The following GNB5 variants were observed in gnomAD, a reference collection of about 807,000 sequenced individuals.
The protein encoded by GNB5 is guanine nucleotide-binding protein subunit beta-5.
In GNB5, 37 loss-of-function variants were observed where a neutral mutation model predicts 55.3. The ratio of observed to expected loss-of-function variants is 0.67; its 90% CI spans 0.51 to 0.88. The LOEUF (loss-of-function observed/expected upper bound fraction) is 0.88. Ranked by LOEUF, GNB5 falls within the 40% of genes least tolerant of loss-of-function variation. GNB5 has a pLI of 0.00. For synonymous variants in GNB5, 219 were observed against 198.5 expected, an observed-to-expected ratio of 1.10 and a Z score of -0.87; for missense variants, 476 against 515.3, an observed-to-expected ratio of 0.92 and a Z score of 0.74.
chr15:52,154,380 G>A (rs2034164930), intron 3 of GNB5, among the ~76,000 whole-genome samples: 1 of 152,172 alleles, frequency 6.6e-6, no homozygotes, highest in Non-Finnish European at 1.5e-5. Context: ...TATTCATAAA[G>A]CACTACATAA....
intron 3 of GNB5, among the ~76,000 whole-genome samples, chr15:52,163,225 C>G (rs1006222714): frequency 9.9e-5 from 15 of 152,188 alleles, no homozygotes; most frequent in Non-Finnish European, 1.5e-4. Context: ...GGCCTTGGGT[C>G]TAAAGCACAG....
chr15:52,143,751 A>G (rs184181286), intron 6 of GNB5: 3 of 152,340 alleles, frequency 2.0e-5, no homozygotes, highest in Non-Finnish European at 2.9e-5. Flanking sequence ...AGTCACAGGG[A>G]TGTCACACAG....
At chr15:52,157,835 C>T (rs2034248133) in intron 3 of GNB5, among the ~76,000 whole-genome samples, 1 of 151,738 alleles carries the variant, frequency 6.6e-6, no homozygotes, top group East Asian at 1.9e-4. Context: ...CATCCTGTTT[C>T]TATCTGCCAA....
intron 8 of GNB5, 68 bp downstream of exon 8, chr15:52,135,545 C>G: frequency 7.2e-7 from 1 of 1,388,140 alleles, no homozygotes; most frequent in Non-Finnish European, 1.0e-6. Context: ...CATGAATGGA[C>G]AAGAACTGCC....
In GNB5 at chr15:52,135,614, C is replaced by A. The variant is rs1227626914; in HGVS notation, c.770G>T (p.Gly257Val). Residue 257 changes from glycine (G) to valine (V), a missense_variant and splice_region_variant, in exon 8 of 13, where the codon GGG becomes GTG. Gly to Val is a moderately radical substitution (Grantham distance 109). Coordinates refer to ENST00000261837, the MANE Select transcript of GNB5 (RefSeq NM_016194.4). ...PSETGNTFVS[G>V]GCDKKAMVWD... ...AGGGAATTTCCACTGGGTCTTTACC[C>A]CAGACACGAAGGTGTTTCCAGTTTC... is the stretch of plus-strand genomic sequence containing the variant. 1.2e-6 allele frequency: 2 copies of A among 1,613,460 alleles called. No homozygotes were observed. Among genetic ancestry groups the A allele is most frequent in the Non-Finnish European group, 1.7e-6 (2 of 1,179,718 alleles).
intron 10 of GNB5, among the ~76,000 whole-genome samples, chr15:52,127,926 T>C (rs938118184): frequency 6.6e-6 from 1 of 152,072 alleles, no homozygotes; most frequent in South Asian, 2.1e-4. Flanking sequence ...GAGAGAAATA[T>C]TTACCAGCCT....
intron 2 of GNB5, among the ~76,000 whole-genome samples, chr15:52,182,171 G>A (rs1481227578): frequency 1.3e-5 from 2 of 152,162 alleles, no homozygotes; most frequent in African/African-American, 4.8e-5. Context: ...AGAGCAGTGC[G>A]TGGCACACAG....
intron 7 of GNB5, chr15:52,137,905 A>T (rs552624585): frequency 3.9e-6 from 5 of 1,286,884 alleles, no homozygotes; most frequent in African/African-American, 3.0e-5. Context: ...TTGCAGCATA[A>T]GTGTCCACAA....
chr15:52,123,171 C>CT (rs1166002355), intron 12 of GNB5, among the ~76,000 whole-genome samples: 2 of 152,158 alleles, frequency 1.3e-5, no homozygotes, highest in Non-Finnish European at 2.9e-5. Context: ...TCACAGATAA[C>CT]TTTTTTATTT....
At chr15:52,180,245 T>A (rs1367886600) in intron 2 of GNB5, 2 of 160,164 alleles carry the variant, frequency 1.2e-5, no homozygotes, top group Non-Finnish European at 2.7e-5. Context: ...TCCCCGCTTC[T>A]GGGGAGACCG....
At chr15:52,182,218 G>A (rs1054387007) in intron 2 of GNB5, among the ~76,000 whole-genome samples, 4 of 152,194 alleles carry the variant, frequency 2.6e-5, no homozygotes, top group African/African-American at 4.8e-5. Flanking sequence ...TGCCTGATAC[G>A]CTTGAGCAGT....
At chr15:52,164,389 C>T (rs7164915) in intron 3 of GNB5, among the ~76,000 whole-genome samples, 3,147 of 147,232 alleles carry the variant, frequency 0.021, 112 homozygotes, top group African/African-American at 0.075. Flanking sequence ...GAGGCCGAGG[C>T]GGGCGGATCA....
At chr15:52,132,010 C>T (rs182215466) in intron 9 of GNB5, among the ~76,000 whole-genome samples, 83 of 152,260 alleles carry the variant, frequency 5.5e-4, no homozygotes, top group African/African-American at 2.0e-3. Flanking sequence ...TCCCGCTATC[C>T]CTCCAGTCTT....
chr15:52,135,388 G>A (rs1300149227), intron 8 of GNB5, among the ~76,000 whole-genome samples: 1 of 152,294 alleles, frequency 6.6e-6, no homozygotes, highest in Non-Finnish European at 1.5e-5. Flanking sequence ...AGAACAGAAG[G>A]AGGCCCTCAC....
intron 3 of GNB5, among the ~76,000 whole-genome samples, chr15:52,173,374 A>T (rs1367954420): frequency 6.6e-6 from 1 of 152,074 alleles, no homozygotes; most frequent in Non-Finnish European, 1.5e-5. Flanking sequence ...CGTGCCCAGC[A>T]CATTTACTGC....
chr15:52,147,622 T>G, intron 5 of GNB5, 87 bp from the exon 6 acceptor site: 2 of 649,458 alleles, frequency 3.1e-6, no homozygotes, highest in Non-Finnish European at 5.2e-6. Flanking sequence ...AGTCTCACTC[T>G]GTTGCCCAGG....
At chr15:52,125,113 T>G (rs955789101) in intron 11 of GNB5, 1 of 154,726 alleles carries the variant, frequency 6.5e-6, no homozygotes, top group African/African-American at 2.4e-5. Flanking sequence ...GTGCAGTTAG[T>G]CTAGGGATGT....
intron 8 of GNB5, among the ~76,000 whole-genome samples, chr15:52,133,907 C>G (rs1317772758): frequency 1.3e-5 from 2 of 152,202 alleles, no homozygotes; most frequent in Admixed American, 6.5e-5. Context: ...TGGCAGTGCC[C>G]AAATGGAGCA....
chr15:52,151,865 A>G (rs7183931), intron 4 of GNB5, among the ~76,000 whole-genome samples: 142,767 of 151,998 alleles, frequency 0.94, 67,746 homozygotes, highest in East Asian at 1. Context: ...CAGTGCTTTC[A>G]GAGGCTGAGG....
Sources: gnomAD v4.1 joint callset for allele counts (sites outside exome capture counted in the v4.1 genomes callset) on GRCh38, gnomAD v4.1.1 for gene constraint, MANE v1.5 for transcripts, NCBI Gene and HGNC (gene_info 2026-07-23, HGNC 2026-07-21) for gene names.